STX17: variants seen among roughly 807,000 people sequenced by gnomAD.
STX17 encodes the protein syntaxin 17, also known as syntaxin-17.
Under a neutral mutation model 35.9 loss-of-function variants are expected in STX17, and 29 were observed. That is an observed-to-expected ratio of 0.81 (90% CI 0.60 to 1.10). The LOEUF (loss-of-function observed/expected upper bound fraction) is 1.10. STX17 is among the 50% of genes least tolerant of loss of function. STX17 has a pLI of 0.00. For synonymous variants in STX17, 92 were observed against 118.3 expected (o/e 0.78, Z 1.44); for missense variants, 312 against 352.3 (o/e 0.89, Z 0.92).
In STX17 at chr9:99,951,163, C is replaced by G; in HGVS notation, c.293C>G (p.Ala98Gly). Reference sequence around the variant, plus strand: ...ATGATAGATCCTGTTAAAGAAGAAGCATCAGCAGCAACAGCAGAATTTCTC... The same window carrying G: ...ATGATAGATCCTGTTAAAGAAGAAGGATCAGCAGCAACAGCAGAATTTCTC... ...KRMIDPVKEE[A>G]SAATAEFLQL... Residue 98 changes from alanine (A) to glycine (G), a missense_variant, in exon 4 of 8, where the codon GCA (alanine) becomes GGA (glycine). Physicochemically the swap from Ala to Gly is moderately conservative, Grantham distance 60. Transcript: ENST00000259400. 1.2e-6 allele frequency: 2 copies of G among 1,613,076 alleles called. No homozygotes were observed. Among genetic ancestry groups the G allele is most frequent in the African/African-American group, 1.3e-5 (1 of 74,996 alleles).
intron 4 of STX17, among the ~76,000 whole-genome samples, chr9:99,952,585 G>A (rs1829624423): frequency 6.6e-6 from 1 of 152,120 alleles, no homozygotes; most frequent in African/African-American, 2.4e-5. Context: ...GCACACGTAT[G>A]TTTATTGTGG....
Position 99,968,776 on chromosome 9 carries a change from T to G in STX17, c.*103T>G, listed in dbSNP as rs148320568. ...TTGGAACACAAGTATATCAAGATAG[T>G]GGCTACTGATGTTCAAGTGGGATTG... On this transcript the variant is annotated 3_prime_UTR_variant, in exon 8 of 8. Coordinates refer to ENST00000259400, the MANE Select transcript of STX17 (RefSeq NM_017919.3). The G allele has an allele frequency of 2.9e-5, 43 of 1,488,702 alleles. No individual in the cohort carries two copies. The African/African-American group carries it at 5.3e-4, about 18-fold the overall frequency. 92.2% of individuals were successfully genotyped at this position (1,488,702 alleles called of 1,614,324 possible).
At chr9:99,935,329 CAA>C (rs35032937) in intron 3 of STX17, among the ~76,000 whole-genome samples, 63,866 of 100,156 alleles carry the variant, frequency 0.64, 16,615 homozygotes, top group African/African-American at 0.66. Context: ...CACTCCATCT[CAA>C]AAAAAAAAAA....
chr9:99,953,567 C>G (rs1829647472), intron 4 of STX17, among the ~76,000 whole-genome samples: 1 of 152,028 alleles, frequency 6.6e-6, no homozygotes, highest in East Asian at 1.9e-4. Flanking sequence ...TCACTTAGTG[C>G]AAACTGATGC....
At chr9:99,958,968 G>A (rs1175251108) in intron 4 of STX17, among the ~76,000 whole-genome samples, 1 of 152,006 alleles carries the variant, frequency 6.6e-6, no homozygotes, top group Non-Finnish European at 1.5e-5. Flanking sequence ...GGTAATGTTT[G>A]GTGACAATCT....
At chr9:99,914,766 T>A (rs774203341) in intron 1 of STX17, among the ~76,000 whole-genome samples, 61 of 152,202 alleles carry the variant, frequency 4.0e-4, no homozygotes, top group Middle Eastern at 3.2e-3. Context: ...TTAAAAAGGT[T>A]ATTCAATGTC....
At chr9:99,962,527 T>C (rs1178330488) in intron 6 of STX17, among the ~76,000 whole-genome samples, 1 of 152,174 alleles carries the variant, frequency 6.6e-6, no homozygotes, top group Non-Finnish European at 1.5e-5. Context: ...TAAAGCTGAT[T>C]TTAAAAAACA....
chr9:99,930,393 G>A (rs980840377), intron 3 of STX17, among the ~76,000 whole-genome samples: 63 of 149,964 alleles, frequency 4.2e-4, no homozygotes, highest in Admixed American at 2.9e-3. Flanking sequence ...TCAGCCTCCC[G>A]AGTAGCTGGG....
Position 99,968,628 on chromosome 9 carries a change from C to T in STX17, c.864C>T (p.Ser288=). ...AGAAAATGATGGAGAAGCTCACTTC[C>T]AGCTGTCCAGATCTTCCCAGCCAAA... ...KKQKMMEKLT[S]SCPDLPSQTD... is the part of the protein sequence containing the mutation. The change falls in exon 8 of 8, where the codon TCC becomes TCT. Residue 288 remains serine, a synonymous_variant. Transcript: ENST00000259400. 6.2e-7 allele frequency: 1 copy of T among 1,613,920 alleles called. No homozygotes were observed. Among genetic ancestry groups the T allele is most frequent in the South Asian group, 1.1e-5 (1 of 91,060 alleles).
intron 3 of STX17, among the ~76,000 whole-genome samples, chr9:99,944,420 A>G (rs902915805): frequency 6.6e-6 from 1 of 150,912 alleles, no homozygotes; most frequent in East Asian, 1.9e-4. Flanking sequence ...TTTCTTTTCT[A>G]ATATATATAT....
chr9:99,908,166 G>T (rs1446321080), intron 1 of STX17, among the ~76,000 whole-genome samples: 5 of 152,114 alleles, frequency 3.3e-5, no homozygotes, highest in African/African-American at 1.2e-4. Flanking sequence ...CTTATTGCTC[G>T]TGAGGTTAAT....
Position 99,906,689 on chromosome 9 carries a change from C to A in STX17, c.-80C>A, listed in dbSNP as rs1377644944. 1 of 152,004 alleles carries A rather than the reference C, an allele frequency of 6.6e-6. No homozygotes were observed. The highest frequency in any genetic ancestry group is 2.4e-5 in the African/African-American group (1 of 41,410). The allele number at this position is 152,004 out of a possible 1,614,324, so 9.4% of individuals were successfully genotyped here. ...CTGCGCCGTGCCCACCGACCGGCCT[C>A]GAGCGCCCCGGCGGGAGGTAAGGGG... On this transcript the variant is annotated 5_prime_UTR_variant, in exon 1 of 8. Transcript: ENST00000259400.
intron 4 of STX17, among the ~76,000 whole-genome samples, chr9:99,955,159 A>T (rs945283239): frequency 6.6e-6 from 1 of 152,132 alleles, no homozygotes; most frequent in African/African-American, 2.4e-5. Flanking sequence ...CAGGACACAC[A>T]CTTCAGTAAC....
rs117165738 is a variant in STX17 at position 99,950,089 on chromosome 9, A to G, written c.190-971A>G. ...TATAAAGATGACTCTACACTACAAAATCTGTACATAATTCATTATAGCAAC... is the reference window on the plus strand; with the variant it reads ...TATAAAGATGACTCTACACTACAAAGTCTGTACATAATTCATTATAGCAAC... On this transcript the variant is annotated intron_variant, in intron 3 of 7. Coordinates refer to ENST00000259400, the MANE Select transcript of STX17 (RefSeq NM_017919.3). Among the ~76,000 whole-genome samples, 184 of 152,086 alleles carry G rather than the reference A, an allele frequency of 1.2e-3. 5 individuals are homozygous for G. The East Asian group carries it at 0.03, about 25-fold the overall frequency.
At chr9:99,964,984 G>T (rs1459115130) in intron 6 of STX17, among the ~76,000 whole-genome samples, 1 of 152,080 alleles carries the variant, frequency 6.6e-6, no homozygotes, top group Non-Finnish European at 1.5e-5. Context: ...CACAATCGAG[G>T]GGTGATTATT....
At chr9:99,961,507 T>G (rs973393603) in intron 6 of STX17, among the ~76,000 whole-genome samples, 1 of 152,216 alleles carries the variant, frequency 6.6e-6, no homozygotes, top group Non-Finnish European at 1.5e-5. Context: ...TTGGGAAAGA[T>G]AGATTTTCCA....
intron 3 of STX17, 187 bp downstream of exon 3, chr9:99,929,030 C>A (rs1001221836): frequency 2.0e-6 from 1 of 505,538 alleles, no homozygotes; most frequent in Non-Finnish European, 3.5e-6. Context: ...TGTTTTGTTA[C>A]CAAATTTTCC....
chr9:99,935,599 G>T (rs1290423282), intron 3 of STX17, among the ~76,000 whole-genome samples: 1 of 152,164 alleles, frequency 6.6e-6, no homozygotes, highest in African/African-American at 2.4e-5. Context: ...ATCTGTGGCG[G>T]TGGCAAGTGG....
chr9:99,922,453 A>G (rs748553581), intron 2 of STX17, among the ~76,000 whole-genome samples: 17 of 152,218 alleles, frequency 1.1e-4, no homozygotes, highest in Non-Finnish European at 1.8e-4. Flanking sequence ...TATTGATTGA[A>G]CTAACTAAAA....
Sources: allele counts gnomAD v4.1 joint callset (sites outside exome capture counted in the v4.1 genomes callset), GRCh38; gene constraint gnomAD v4.1.1; transcripts MANE v1.5; gene names NCBI Gene and HGNC (gene_info 2026-07-23, HGNC 2026-07-21).